NECAB2: variants seen among roughly 807,000 people sequenced by gnomAD.
NECAB2 encodes N-terminal EF-hand calcium-binding protein 2.
Under a neutral mutation model 51.9 loss-of-function variants are expected in NECAB2, and 68 were observed. The ratio of observed to expected loss-of-function variants is 1.31; its 90% CI spans 1.08 to 1.60. The LOEUF (loss-of-function observed/expected upper bound fraction) is 1.60, where lower values mean the gene tolerates loss of function less well. Ranked by LOEUF, NECAB2 falls within the 40% of genes most tolerant of loss-of-function variation. NECAB2 has a pLI of 0.00. For synonymous variants in NECAB2, 329 were observed against 203.5 expected (o/e 1.62, Z -5.25); for missense variants, 854 against 490.3 (o/e 1.74, Z -7.00).
chr16:83,999,417 G>A (rs938405098), intron 10 of NECAB2, among the ~76,000 whole-genome samples: 10 of 152,172 alleles, frequency 6.6e-5, no homozygotes, highest in Non-Finnish European at 4.4e-5. Flanking sequence ...CACGGTGGAC[G>A]TAGAGGCTCT....
intron 8 of NECAB2, among the ~76,000 whole-genome samples, chr16:83,996,691 G>A (rs2084704577): frequency 6.6e-6 from 1 of 152,104 alleles, no homozygotes; most frequent in Non-Finnish European, 1.5e-5. Flanking sequence ...AGTGACTGTT[G>A]ATCTTCTGTG....
upstream of NECAB2, among the ~76,000 whole-genome samples, chr16:83,967,097 C>G (rs1421499778): frequency 6.6e-6 from 1 of 152,226 alleles, no homozygotes; most frequent in Non-Finnish European, 1.5e-5. Flanking sequence ...GTCTTGAACT[C>G]CTGACCTCAA....
At chr16:83,998,876 C>T (rs891095344) in intron 10 of NECAB2, among the ~76,000 whole-genome samples, 1 of 152,230 alleles carries the variant, frequency 6.6e-6, no homozygotes, top group Non-Finnish European at 1.5e-5. Flanking sequence ...TCCCACCAGG[C>T]TGATGTAGCT....
At chr16:83,992,036 G>A (rs1248691635) in intron 6 of NECAB2, among the ~76,000 whole-genome samples, 1 of 152,176 alleles carries the variant, frequency 6.6e-6, no homozygotes, top group East Asian at 1.9e-4. Context: ...CGTAAGTGAA[G>A]TAACTGTAAA....
intron 6 of NECAB2, among the ~76,000 whole-genome samples, 172 bp downstream of exon 6, chr16:83,990,802 TAC>T (rs1245996128): frequency 6.6e-6 from 1 of 152,028 alleles, no homozygotes; most frequent in Non-Finnish European, 1.5e-5. Context: ...CACAATTATA[TAC>T]CTAAAATCTC....
Position 84,002,347 on chromosome 16 carries a change from C to CAGCCTCCCAGAGGCCCGTGGAGG in NECAB2, c.*6_*28dup. ...TTGGTGCACGGTGGGACGGGACTGA[C>CAGCCTCCCAGAGGCCCGTGGAGG]AGCCTCCCAGAGGCCCGTGGAGGAG... On this transcript the variant is annotated 3_prime_UTR_variant, in exon 13 of 13. Transcript: ENST00000305202. 1 of 1,614,010 alleles carries CAGCCTCCCAGAGGCCCGTGGAGG rather than the reference C, an allele frequency of 6.2e-7. No homozygotes were observed. Among genetic ancestry groups the CAGCCTCCCAGAGGCCCGTGGAGG allele is most frequent in the Non-Finnish European group, 8.5e-7 (1 of 1,179,938 alleles).
intron 5 of NECAB2, among the ~76,000 whole-genome samples, chr16:83,982,344 A>T (rs1486008464): frequency 6.6e-6 from 1 of 152,202 alleles, no homozygotes; most frequent in Non-Finnish European, 1.5e-5. Flanking sequence ...TTGCTGTTTT[A>T]GAGTATATTT....
At chr16:83,991,293 T>C (rs1433983064) in intron 6 of NECAB2, among the ~76,000 whole-genome samples, 4 of 151,762 alleles carry the variant, frequency 2.6e-5, no homozygotes, top group East Asian at 1.9e-4. Context: ...TATTTTCTCT[T>C]TCTCTCTCTC....
intron 5 of NECAB2, 89 bp from the exon 6 acceptor site, chr16:83,990,405 C>A (rs973997377): frequency 7.2e-6 from 11 of 1,520,774 alleles, no homozygotes; most frequent in Non-Finnish European, 9.9e-6. Flanking sequence ...TTCACCAGCA[C>A]CAGCTTTCCC....
At chr16:83,986,991 C>T (rs192374153) in intron 5 of NECAB2, among the ~76,000 whole-genome samples, 25 of 152,204 alleles carry the variant, frequency 1.6e-4, no homozygotes, top group African/African-American at 6.0e-4. Context: ...ATGACATACC[C>T]ATGTAACAAA....
intron 6 of NECAB2, among the ~76,000 whole-genome samples, chr16:83,994,055 G>T (rs1281902411): frequency 6.6e-6 from 1 of 152,200 alleles, no homozygotes; most frequent in Non-Finnish European, 1.5e-5. Context: ...AAAAGGCCTA[G>T]GCCGTGGGGT....
Position 84,001,543 on chromosome 16 carries a change from CTCCT to C in NECAB2, c.1041-281_1041-278del, listed in dbSNP as rs2084836094. 2.0e-5 allele frequency among the ~76,000 whole-genome samples: 3 copies of C among 152,240 alleles called. No homozygotes were observed. The South Asian group carries it at 6.2e-4, about 31-fold the overall frequency. ...GGGTCCCAGGCAGAGGATGGCCCCACTCCTCCTGCTAGGGTAAAGGGGGAGGTAG... is the reference window on the plus strand; with the variant it reads ...GGGTCCCAGGCAGAGGATGGCCCCACCCTGCTAGGGTAAAGGGGGAGGTAG... On this transcript the variant is annotated intron_variant, in intron 11 of 12. Coordinates refer to ENST00000305202, the MANE Select transcript of NECAB2 (RefSeq NM_019065.3).
Position 83,994,577 on chromosome 16 carries a change from C to G in NECAB2, c.716-32C>G, listed in dbSNP as rs777907792. The G allele has an allele frequency of 5.6e-6, 9 of 1,613,744 alleles. No homozygotes were observed. In the South Asian group the frequency reaches 7.7e-5, roughly 14 times the overall value. On this transcript the variant is annotated intron_variant, in intron 7 of 12. Coordinates refer to ENST00000305202, the MANE Select transcript of NECAB2 (RefSeq NM_019065.3). ...CCCGAAGCCCTCGTCCTGCCCACCA[C>G]TGAAGTCTGTGTGTCTCTTTCTCTA...
In NECAB2 at chr16:83,994,427, G is replaced by T. The variant is rs1192038404; in HGVS notation, c.715+7G>T. 2 of 1,613,768 alleles carry T rather than the reference G, an allele frequency of 1.2e-6. No individual in the cohort carries two copies. The highest frequency in any genetic ancestry group is 1.7e-5 in the Admixed American group (1 of 60,016). Reference sequence around the variant, plus strand: ...GGCAAGACCCTTCCATCTGGTGAGAGAAAGCGGGGGCCCTGGTGGGGGTAC... The same window carrying T: ...GGCAAGACCCTTCCATCTGGTGAGATAAAGCGGGGGCCCTGGTGGGGGTAC... On this transcript the variant is annotated splice_region_variant and intron_variant, in intron 7 of 12. Transcript: ENST00000305202.
At chr16:83,994,728 C>T (rs750941669) in intron 8 of NECAB2, 40 bp downstream of exon 8, 12 of 1,598,408 alleles carry the variant, frequency 7.5e-6, no homozygotes, top group Non-Finnish European at 9.4e-6. Flanking sequence ...TCCTTCCAAC[C>T]CCTGAGGGAG....
At chr16:83,972,322 G>C in intron 2 of NECAB2, 147 bp downstream of exon 2, 1 of 1,131,906 alleles carries the variant, frequency 8.8e-7, no homozygotes, top group Non-Finnish European at 1.3e-6. Context: ...AAATCCTGCT[G>C]CTGCTCTGTG....
intron 9 of NECAB2, among the ~76,000 whole-genome samples, chr16:83,997,987 T>G (rs1410759215): frequency 6.6e-6 from 1 of 152,208 alleles, no homozygotes; most frequent in East Asian, 1.9e-4. Context: ...TCGTCTGTTT[T>G]CCCCATTTTT....
At chr16:83,981,680 T>C (rs907879997) in intron 5 of NECAB2, among the ~76,000 whole-genome samples, 1 of 151,322 alleles carries the variant, frequency 6.6e-6, no homozygotes, top group African/African-American at 2.4e-5. Context: ...CTGGGATGAG[T>C]GGGGAAACTG....
At chr16:84,000,168 C>T (rs147248469) in intron 10 of NECAB2, among the ~76,000 whole-genome samples, 1,755 of 152,206 alleles carry the variant, frequency 0.012, 12 homozygotes, top group Non-Finnish European at 0.019. Context: ...TCCCAAAGTT[C>T]TGCGATTACA....
Sources: allele counts gnomAD v4.1 joint callset (sites outside exome capture counted in the v4.1 genomes callset), GRCh38; gene constraint gnomAD v4.1.1; transcripts MANE v1.5; gene names NCBI Gene and HGNC (gene_info 2026-07-23, HGNC 2026-07-21).